SPAG16: variants seen among roughly 807,000 people sequenced by gnomAD.
SPAG16 encodes the protein sperm associated antigen 16.
Under a neutral mutation model 80.4 loss-of-function variants are expected in SPAG16, and 86 were observed. That is an observed-to-expected ratio of 1.07 (90% CI 0.90 to 1.28). The LOEUF is 1.28. Ranked by LOEUF, SPAG16 falls within the 50% of genes most tolerant of loss-of-function variation. The pLI is 0.00. For synonymous variants in SPAG16, 294 were observed against 265.9 expected (o/e 1.11, Z -1.03); for missense variants, 870 against 765.3 (o/e 1.14, Z -1.61).
intron 13 of SPAG16, among the ~76,000 whole-genome samples, chr2:214,095,925 C>T (rs2052558082): frequency 6.6e-6 from 1 of 151,600 alleles, no homozygotes; most frequent in Admixed American, 6.6e-5. Flanking sequence ...AAATAAAACC[C>T]TATTAAAAAT....
intron 10 of SPAG16, among the ~76,000 whole-genome samples, chr2:213,668,537 C>A (rs2063698256): frequency 6.6e-6 from 1 of 152,100 alleles, no homozygotes; most frequent in African/African-American, 2.4e-5. Context: ...ATTTTCATTT[C>A]ACTCTTATGT....
chr2:213,548,969 AT>A (rs1308009721), intron 10 of SPAG16, among the ~76,000 whole-genome samples: 4 of 151,576 alleles, frequency 2.6e-5, no homozygotes, highest in African/African-American at 7.3e-5. Context: ...ATGCCACTTT[AT>A]TTTTTTTCCA....
At chr2:214,167,272 C>G (rs1479380052) in intron 15 of SPAG16, among the ~76,000 whole-genome samples, 1 of 152,050 alleles carries the variant, frequency 6.6e-6, no homozygotes, top group Admixed American at 6.6e-5. Flanking sequence ...TTGTGCCGCT[C>G]TCCTTGGAAA....
In SPAG16 at chr2:214,394,888, T is replaced by A. The variant is rs552852619; in HGVS notation, c.1721-15252T>A. Reference sequence around the variant, plus strand: ...TTCATCCCTACCTCCCCACAACTCCTGGCAGCCACAGATCTTTTTATTATC... The same window carrying A: ...TTCATCCCTACCTCCCCACAACTCCAGGCAGCCACAGATCTTTTTATTATC... On this transcript the variant is annotated intron_variant, in intron 15 of 15. Transcript: ENST00000331683. Among the ~76,000 whole-genome samples the A allele has an allele frequency of 6.6e-5, 10 of 152,342 alleles. 1 individual carries two copies. The East Asian group carries it at 1.9e-3, about 29-fold the overall frequency.
chr2:214,298,268 A>AT (rs1405376792), intron 15 of SPAG16, among the ~76,000 whole-genome samples: 1 of 151,714 alleles, frequency 6.6e-6, no homozygotes, highest in Non-Finnish European at 1.5e-5. Flanking sequence ...AATGTCTCTG[A>AT]TTTTTTGTAC....
intron 15 of SPAG16, among the ~76,000 whole-genome samples, chr2:214,347,886 G>A (rs1426508881): frequency 2.6e-5 from 4 of 152,110 alleles, no homozygotes; most frequent in Non-Finnish European, 5.9e-5. Flanking sequence ...TACTCTCCAT[G>A]GAAAAATTAG....
rs749054945 is a variant in SPAG16 at position 214,320,629 on chromosome 2, A to G, written c.1721-89511A>G. On this transcript the variant is annotated intron_variant, in intron 15 of 15. Coordinates refer to ENST00000331683, the MANE Select transcript of SPAG16 (RefSeq NM_024532.5). ...GAAGGGGAAGCAAGACACCTTCTTC[A>G]CAGTGCAGTAGGAAGGAGAAGGGCT... Among the ~76,000 whole-genome samples, 162 of 152,328 alleles carry G rather than the reference A, an allele frequency of 1.1e-3. 1 individual carries two copies. Among genetic ancestry groups the G allele is most frequent in the Non-Finnish European group, 2.0e-3 (139 of 68,024 alleles).
chr2:213,818,869 T>G (rs2072745766), intron 10 of SPAG16, among the ~76,000 whole-genome samples: 1 of 152,152 alleles, frequency 6.6e-6, no homozygotes, highest in Non-Finnish European at 1.5e-5. Context: ...AGGTGCCTGC[T>G]TCCCCTTTGC....
At chr2:213,531,515 C>G (rs2076067387) in intron 10 of SPAG16, among the ~76,000 whole-genome samples, 1 of 151,972 alleles carries the variant, frequency 6.6e-6, no homozygotes, top group African/African-American at 2.4e-5. Context: ...GCAGTTGTTT[C>G]ATGGACAGAA....
intron 15 of SPAG16, among the ~76,000 whole-genome samples, chr2:214,367,692 T>C (rs1489846213): frequency 1.3e-5 from 2 of 152,164 alleles, no homozygotes; most frequent in South Asian, 2.1e-4. Flanking sequence ...GACAAAATGA[T>C]TTTGCTGTTT....
At chr2:213,899,672 C>T (rs959730545) in intron 11 of SPAG16, among the ~76,000 whole-genome samples, 19 of 152,024 alleles carry the variant, frequency 1.2e-4, no homozygotes, top group African/African-American at 4.3e-4. Flanking sequence ...ATATGAGAAA[C>T]AGAGGCACTA....
chr2:213,773,599 A>G (rs1575098799), intron 10 of SPAG16, among the ~76,000 whole-genome samples: 1 of 151,822 alleles, frequency 6.6e-6, no homozygotes, highest in East Asian at 1.9e-4. Flanking sequence ...GTCGCCCAGG[A>G]TGGAGTGTGC....
At chr2:213,556,310 A>C (rs866954337) in intron 10 of SPAG16, among the ~76,000 whole-genome samples, 24 of 83,540 alleles carry the variant, frequency 2.9e-4, no homozygotes, top group African/African-American at 4.8e-4. Flanking sequence ...AAAAAAAAAA[A>C]CCAAAAAAAA....
intron 15 of SPAG16, among the ~76,000 whole-genome samples, chr2:214,341,234 G>C (rs933481482): frequency 2.6e-5 from 4 of 152,124 alleles, no homozygotes; most frequent in Middle Eastern, 3.4e-3. Context: ...AAGAAAGACA[G>C]AAAACAAGGG....
At chr2:213,690,438 G>A (rs576858362) in intron 10 of SPAG16, among the ~76,000 whole-genome samples, 2 of 152,326 alleles carry the variant, frequency 1.3e-5, no homozygotes, top group East Asian at 3.9e-4. Flanking sequence ...CCACTGCTTT[G>A]ATAAGGATAC....
At chr2:213,510,805 T>A (rs1013632484) in intron 10 of SPAG16, among the ~76,000 whole-genome samples, 2 of 152,198 alleles carry the variant, frequency 1.3e-5, no homozygotes, top group Admixed American at 6.5e-5. Context: ...CTTAATGGAA[T>A]ATACCTATGT....
intron 10 of SPAG16, among the ~76,000 whole-genome samples, chr2:213,493,799 T>A (rs571845162): frequency 5.3e-5 from 8 of 151,848 alleles, no homozygotes; most frequent in African/African-American, 9.7e-5. Flanking sequence ...TGTTTAAAAA[T>A]TTTTTTTTCT....
At chr2:214,288,785 T>TTATTTATTTATC (rs1693576059) in intron 15 of SPAG16, among the ~76,000 whole-genome samples, 1 of 151,918 alleles carries the variant, frequency 6.6e-6, no homozygotes, top group African/African-American at 2.4e-5. Context: ...ATTTATTTAT[T>TTATTTATTTATC]TGAGACGTTG....
At chr2:213,739,361 A>G (rs2067434873) in intron 10 of SPAG16, among the ~76,000 whole-genome samples, 1 of 152,216 alleles carries the variant, frequency 6.6e-6, no homozygotes, top group Non-Finnish European at 1.5e-5. Flanking sequence ...TACAGGATAA[A>G]TATTCATTGA....
Sources: allele counts gnomAD v4.1 joint callset (sites outside exome capture counted in the v4.1 genomes callset), GRCh38; gene constraint gnomAD v4.1.1; transcripts MANE v1.5; gene names NCBI Gene and HGNC (gene_info 2026-07-23, HGNC 2026-07-21).